Variants in MINK1 observed in about 807,000 individuals in gnomAD.
The protein encoded by MINK1 is misshapen like kinase 1, also known as misshapen-like kinase 1.
Under a neutral mutation model 178.4 loss-of-function variants are expected in MINK1, and 46 were observed. The observed-to-expected ratio is 0.26, with a 90% CI of 0.20 to 0.33. The LOEUF (loss-of-function observed/expected upper bound fraction) is 0.33, where lower values mean the gene tolerates loss of function less well. Ranked by LOEUF, MINK1 falls within the 10% of genes least tolerant of loss-of-function variation. MINK1 has a pLI of 1.00. For missense variants in MINK1, 1,366 were observed against 1,814.9 expected (o/e 0.75, Z 4.49); for synonymous variants, 797 against 709.7 (o/e 1.12, Z -1.96).
chr17:4,842,352 A>G (rs561162501), intron 1 of MINK1, among the ~76,000 whole-genome samples: 10 of 152,238 alleles, frequency 6.6e-5, no homozygotes, highest in South Asian at 4.1e-4. Context: ...TGCCACTGGT[A>G]CCTCTCATGA....
intron 1 of MINK1, chr17:4,868,772 G>A (rs1194064555): frequency 3.5e-6 from 1 of 286,362 alleles, no homozygotes; most frequent in Non-Finnish European, 7.3e-6. Flanking sequence ...TTGAGACAGG[G>A]TCTCACTCTG....
chr17:4,841,233 G>A (rs1220400329), intron 1 of MINK1, among the ~76,000 whole-genome samples: 2 of 152,146 alleles, frequency 1.3e-5, no homozygotes, highest in Non-Finnish European at 2.9e-5. Flanking sequence ...TCCGCCAGTG[G>A]TTTCTTCCAT....
rs1289696815 is a variant in MINK1, at chr17:4,895,603, A to G, written c.3230-95A>G. Reference sequence around the variant, plus strand: ...CTGGAAGGTGGGGCCACACTTTCTCACCCCTTGTGGTATGCTGACAGAGGA... The same window carrying G: ...CTGGAAGGTGGGGCCACACTTTCTCGCCCCTTGTGGTATGCTGACAGAGGA... On this transcript the variant is annotated intron_variant, in intron 26 of 31. Coordinates refer to ENST00000355280, the MANE Select transcript of MINK1 (RefSeq NM_153827.5). This position sits in a 1 kb window ranked among gnomAD's most constrained non-coding sequence, Gnocchi z 4.3. The G allele has an allele frequency of 6.4e-7, 1 of 1,553,166 alleles. No homozygotes were observed. The highest frequency in any genetic ancestry group is 1.4e-5 in the African/African-American group (1 of 73,848).
In MINK1 at chr17:4,895,003, A is replaced by G; in HGVS notation, c.2918-72A>G. 6 of 1,516,790 alleles carry G rather than the reference A, an allele frequency of 4.0e-6. No individual in the cohort carries two copies. Among genetic ancestry groups the G allele is most frequent in the Non-Finnish European group, 5.4e-6 (6 of 1,108,080 alleles). The allele number at this position is 1,516,790 out of a possible 1,614,324, so 94.0% of individuals were successfully genotyped here. ...ATTATGAGGTGCCAAGACCTGATAT[A>G]GGGGATGGAGGTAAAAAGAGATGGG... On this transcript the variant is annotated intron_variant, in intron 24 of 31. Coordinates refer to ENST00000355280, the MANE Select transcript of MINK1 (RefSeq NM_153827.5). The surrounding 1 kb of genome is among the most constrained non-coding windows in gnomAD (Gnocchi z 4.3).
chr17:4,891,879 G>GT (rs1567616331), intron 16 of MINK1, among the ~76,000 whole-genome samples, 163 bp downstream of exon 16: 2 of 152,220 alleles, frequency 1.3e-5, no homozygotes, highest in African/African-American at 2.4e-5. Context: ...AGGACGCGAC[G>GT]TGGAGGGGTG....
rs2151023628 is a variant in MINK1, at chr17:4,887,881, G to T, written c.1230+91G>T. On this transcript the variant is annotated intron_variant, in intron 12 of 31. Transcript: ENST00000355280. This position sits in a 1 kb window ranked among gnomAD's most constrained non-coding sequence, Gnocchi z 7.6. The stretch of plus-strand genomic sequence containing the variant: ...GGCCTTGGAGAACAGGTTTTAAAAT[G>T]CCTTAAATGAATGGCATTTCTGTTG... 3 of 1,010,570 alleles carry T rather than the reference G, an allele frequency of 3.0e-6. No individual in the cohort carries two copies. The highest frequency in any genetic ancestry group is 5.9e-5 in the East Asian group (2 of 34,002). 62.6% of individuals were successfully genotyped at this position (1,010,570 alleles called of 1,614,324 possible). A position where few individuals can be genotyped will look rare whatever the true frequency, so the allele number is the denominator to read the frequency against.
chr17:4,893,234 C>T (rs956087432), intron 20 of MINK1, 167 bp downstream of exon 20: 5 of 1,610,088 alleles, frequency 3.1e-6, no homozygotes, highest in East Asian at 2.2e-5. Context: ...TCTCTCCTAA[C>T]CTCTCTCCTA....
intron 1 of MINK1, chr17:4,861,548 TGG>T (rs1360516863): frequency 8.9e-5 from 15 of 168,536 alleles, no homozygotes; most frequent in African/African-American, 3.6e-4. Flanking sequence ...TTGCCCAAGG[TGG>T]ATTGCAGTGG....
Position 4,833,576 on chromosome 17 carries a change from C to A in MINK1, c.-8C>A. On this transcript the variant is annotated 5_prime_UTR_variant, in exon 1 of 32. Transcript: ENST00000355280. The surrounding 1 kb of genome is among the most constrained non-coding windows in gnomAD (Gnocchi z 4.8). ...AGCGGCCCCGGTGCCCCGTTCCCCACGGAGGCCATGGGCGACCCAGCCCCC... is the reference window on the plus strand; with the variant it reads ...AGCGGCCCCGGTGCCCCGTTCCCCAAGGAGGCCATGGGCGACCCAGCCCCC... 1 of 1,498,500 alleles carries A rather than the reference C, an allele frequency of 6.7e-7. No homozygotes were observed. The highest frequency in any genetic ancestry group is 1.2e-5 in the South Asian group (1 of 80,548). The allele number at this position is 1,498,500 out of a possible 1,614,324, so 92.8% of individuals were successfully genotyped here.
At position 4,887,652 on chromosome 17, in the gene MINK1, C is replaced by A; in HGVS notation, c.1092C>A (p.Ser364Arg). The change falls in exon 12 of 32, where the codon AGC (serine) becomes AGA (arginine). Residue 364 changes from serine to arginine, a missense_variant. Physicochemically the swap from Ser to Arg is moderately radical, Grantham distance 110. Around this residue, in one of 14 missense-constraint regions of MINK1, gnomAD observed 56 missense variants for 64.0 expected, o/e 0.87. Coordinates refer to ENST00000355280, the MANE Select transcript of MINK1 (RefSeq NM_153827.5). This position sits in a 1 kb window ranked among gnomAD's most constrained non-coding sequence, Gnocchi z 7.6. Reference protein sequence around the residue: ...EFLRLQQENKSNSEALKQQQQ... With the variant: ...EFLRLQQENKRNSEALKQQQQ... ...TCCGGCTCCAGCAGGAAAATAAGAG[C>A]AACTCAGAGGCTTTAAAACAGCAGC... The A allele has an allele frequency of 6.4e-7, 1 of 1,567,256 alleles. No individual in the cohort carries two copies. Among genetic ancestry groups the A allele is most frequent in the Non-Finnish European group, 8.6e-7 (1 of 1,158,088 alleles).
intron 1 of MINK1, chr17:4,860,858 G>A (rs1418273812): frequency 2.0e-6 from 1 of 504,562 alleles, no homozygotes; most frequent in East Asian, 5.7e-5. Context: ...AAGCCTTAGG[G>A]AGCAACTTCG....
chr17:4,894,792 GAGACCCCTCCTTCCTGTCCCACA>G lies in MINK1; in HGVS notation c.2917+160_2917+182del. On this transcript the variant is annotated intron_variant, in intron 24 of 31. Coordinates refer to ENST00000355280, the MANE Select transcript of MINK1 (RefSeq NM_153827.5). This position sits in a 1 kb window ranked among gnomAD's most constrained non-coding sequence, Gnocchi z 4.1. ...GGCACAGAGGCAAGGAAGAGCCTCT[GAGACCCCTCCTTCCTGTCCCACA>G]GGACAGGAAATGCTCAGAGTTGCCA... The G allele has an allele frequency of 1.5e-6, 1 of 654,662 alleles. No individual in the cohort carries two copies. 40.6% of individuals were successfully genotyped at this position (654,662 alleles called of 1,614,324 possible).
intron 1 of MINK1, among the ~76,000 whole-genome samples, chr17:4,851,381 A>C (rs540977956): frequency 6.6e-6 from 1 of 152,228 alleles, no homozygotes; most frequent in African/African-American, 2.4e-5. Flanking sequence ...TAGTGCAGTA[A>C]ACACTAAGCA....
rs778251682 is a variant in MINK1, at chr17:4,893,612, G to A, written c.2564+15G>A. On this transcript the variant is annotated intron_variant, in intron 21 of 31. Coordinates refer to ENST00000355280, the MANE Select transcript of MINK1 (RefSeq NM_153827.5). ...CCTGGGGGCCGGTACGGCATCGGGAGTGGGGCCCTCCCACTCCAAGGCACA... is the reference window on the plus strand; with the variant it reads ...CCTGGGGGCCGGTACGGCATCGGGAATGGGGCCCTCCCACTCCAAGGCACA... The A allele has an allele frequency of 2.6e-6, 4 of 1,518,332 alleles. No individual in the cohort carries two copies. The highest frequency in any genetic ancestry group is 3.5e-6 in the Non-Finnish European group (4 of 1,131,700). The allele number at this position is 1,518,332 out of a possible 1,614,324, so 94.1% of individuals were successfully genotyped here.
At chr17:4,888,208 T>C (rs1296967503) in intron 12 of MINK1, among the ~76,000 whole-genome samples, 2 of 152,014 alleles carry the variant, frequency 1.3e-5, no homozygotes, top group African/African-American at 4.8e-5. Flanking sequence ...AGAGCAAGAC[T>C]CCGTCTCTAA....
In MINK1 at chr17:4,861,355, G is replaced by A. The variant is rs975242725; in HGVS notation, c.58-16962G>A. Reference sequence around the variant, plus strand: ...AAAGCAATATGTACAATTATACATCGTAAACAACGCAGGGCACAGTGCCAG... The same window carrying A: ...AAAGCAATATGTACAATTATACATCATAAACAACGCAGGGCACAGTGCCAG... On this transcript the variant is annotated intron_variant, in intron 1 of 31. Transcript: ENST00000355280. 4.6e-5 allele frequency among the ~76,000 whole-genome samples: 7 copies of A among 152,146 alleles called. No individual in the cohort carries two copies. The East Asian group carries it at 5.8e-4, about 13-fold the overall frequency.
rs374719714 is a variant in MINK1 at position 4,891,602 on chromosome 17, G to A, written c.1887G>A (p.Thr629=). Reference sequence around the variant, plus strand: ...CTGCCATCCCCGCACCCACTGCCACGCCCAGTGCCCGAGGAGCTGTCATCC... The same window carrying A: ...CTGCCATCCCCGCACCCACTGCCACACCCAGTGCCCGAGGAGCTGTCATCC... ...PDPAIPAPTA[T]PSARGAVIRQ... is the part of the protein sequence containing the mutation. Residue 629 remains threonine, a synonymous_variant, in exon 16 of 32, where the codon ACG becomes ACA. Transcript: ENST00000355280. 23 of 1,603,308 alleles carry A rather than the reference G, an allele frequency of 1.4e-5. No homozygotes were observed. Among genetic ancestry groups the A allele is most frequent in the African/African-American group, 9.4e-5 (7 of 74,630 alleles).
intron 1 of MINK1, among the ~76,000 whole-genome samples, chr17:4,866,897 C>T (rs1319002065): frequency 6.6e-6 from 1 of 151,928 alleles, no homozygotes; most frequent in Non-Finnish European, 1.5e-5. Flanking sequence ...CGTGGTGAAA[C>T]CCCATCTCTA....
At chr17:4,849,208 C>T (rs755354186) in intron 1 of MINK1, among the ~76,000 whole-genome samples, 17 of 152,154 alleles carry the variant, frequency 1.1e-4, no homozygotes, top group Non-Finnish European at 1.0e-4. Context: ...TCTATCTGAA[C>T]ACGAAACTCC....
Sources: allele counts gnomAD v4.1 joint callset (sites outside exome capture counted in the v4.1 genomes callset), GRCh38; gene constraint gnomAD v4.1.1; regional missense constraint gnomAD v4.1.1; non-coding constraint Gnocchi (gnomAD v3.1); transcripts MANE v1.5; gene names NCBI Gene and HGNC (gene_info 2026-07-23, HGNC 2026-07-21).